Variants in GEMIN5 observed in about 807,000 individuals in gnomAD.
The protein encoded by GEMIN5 is gem-associated protein 5.
In GEMIN5, 124 loss-of-function variants were observed where a neutral mutation model predicts 176.9. The observed-to-expected ratio is 0.70, with a 90% CI of 0.61 to 0.81. The LOEUF is 0.81. GEMIN5 is among the 40% of genes least tolerant of loss of function. GEMIN5 has a pLI of 0.00. For synonymous variants in GEMIN5, 673 were observed against 665.2 expected, an observed-to-expected ratio of 1.01 and a Z score of -0.18; for missense variants, 1,843 against 1,814.6, an observed-to-expected ratio of 1.02 and a Z score of -0.28.
At chr5:154,891,200 G>C (rs577277517) in intron 26 of GEMIN5, 41 bp downstream of exon 26, 1 of 1,564,414 alleles carries the variant, frequency 6.4e-7, no homozygotes, top group East Asian at 2.3e-5. Flanking sequence ...TAGCCAGCAG[G>C]GTCATTTTTC....
intron 11 of GEMIN5, 124 bp downstream of exon 11, chr5:154,919,843 A>G (rs1168221773): frequency 1.3e-6 from 1 of 794,796 alleles, no homozygotes; most frequent in Non-Finnish European, 2.0e-6. Flanking sequence ...TTATAAGAAC[A>G]TTTAAGAAAT....
intron 20 of GEMIN5, among the ~76,000 whole-genome samples, chr5:154,902,104 C>A (rs2113468078): frequency 6.6e-6 from 1 of 152,100 alleles, no homozygotes; most frequent in African/African-American, 2.4e-5. Flanking sequence ...TCACCACACC[C>A]AGCCTTTTTT....
rs1763848036 is a variant in GEMIN5, at chr5:154,918,022, C to T, written c.1600-18G>A. The T allele has an allele frequency of 1.3e-6, 2 of 1,527,886 alleles. No homozygotes were observed. The highest frequency in any genetic ancestry group is 1.8e-6 in the Non-Finnish European group (2 of 1,102,114). 94.6% of individuals were successfully genotyped at this position (1,527,886 alleles called of 1,614,324 possible). ...AATTTGTACTAGAAAGCAAAACAAA[C>T]CAATCTTGACTATATACATATCTCA... On this transcript the variant is annotated intron_variant, in intron 11 of 27. Coordinates refer to ENST00000285873, the MANE Select transcript of GEMIN5 (RefSeq NM_015465.5).
intron 24 of GEMIN5, among the ~76,000 whole-genome samples, chr5:154,892,857 G>A (rs1763264808): frequency 6.6e-6 from 1 of 152,158 alleles, no homozygotes; most frequent in Non-Finnish European, 1.5e-5. Context: ...CCAGCACTTT[G>A]GGAGGCCAAG....
intron 16 of GEMIN5, among the ~76,000 whole-genome samples, chr5:154,905,897 G>A (rs1256564827): frequency 6.6e-6 from 1 of 152,028 alleles, no homozygotes; most frequent in Non-Finnish European, 1.5e-5. Flanking sequence ...CGCCATGTTG[G>A]CCAGGGTGAT....
intron 4 of GEMIN5, 82 bp downstream of exon 4, chr5:154,932,017 A>G: frequency 9.1e-7 from 1 of 1,100,062 alleles, no homozygotes; most frequent in Non-Finnish European, 1.3e-6. Flanking sequence ...AAAAATAAAT[A>G]ATAAATAAAA....
chr5:154,889,600 A>G (rs1388865108), intron 26 of GEMIN5, among the ~76,000 whole-genome samples, 183 bp from the exon 27 acceptor site: 1 of 152,216 alleles, frequency 6.6e-6, no homozygotes, highest in East Asian at 1.9e-4. Context: ...CCCACCACCC[A>G]TTTCCAAAAA....
intron 20 of GEMIN5, 127 bp downstream of exon 20, chr5:154,902,412 G>T: frequency 1.2e-6 from 1 of 842,450 alleles, no homozygotes; most frequent in Non-Finnish European, 1.9e-6. Context: ...GTCTATTGCT[G>T]TCTATTGCTT....
At chr5:154,889,567 T>A in intron 26 of GEMIN5, 150 bp from the exon 27 acceptor site, 2 of 506,486 alleles carry the variant, frequency 3.9e-6, no homozygotes, top group Non-Finnish European at 7.1e-6. Flanking sequence ...TTTAAATAAA[T>A]TCATAATGTG....
At position 154,891,659 on chromosome 5, in the gene GEMIN5, A is replaced by C. The variant is rs748292248; in HGVS notation, c.3844T>G (p.Tyr1282Asp). ...AFKSLEAFFL[Y>D]GRLYEFWWSL... ...CACCAGAATTCATACAGACGCCCATAAAGAAAAAAGGCCTCCAAACTTTTG... is the reference window on the plus strand; with the variant it reads ...CACCAGAATTCATACAGACGCCCATCAAGAAAAAAGGCCTCCAAACTTTTG... Residue 1282 changes from tyrosine (Y) to aspartate (D), a missense_variant, in exon 26 of 28, where the codon TAT becomes GAT. Physicochemically the swap from Tyr to Asp is radical, Grantham distance 160 (BLOSUM62 -3). Coordinates refer to ENST00000285873, the MANE Select transcript of GEMIN5 (RefSeq NM_015465.5). 1 of 1,613,340 alleles carries C rather than the reference A, an allele frequency of 6.2e-7. No homozygotes were observed.
rs980259453 is a variant in GEMIN5, at chr5:154,932,248, T to C, written c.512A>G (p.Tyr171Cys). 2 of 1,600,420 alleles carry C rather than the reference T, an allele frequency of 1.2e-6. No individual in the cohort carries two copies. Among genetic ancestry groups the C allele is most frequent in the Admixed American group, 1.7e-5 (1 of 58,250 alleles). Residue 171 changes from tyrosine (Y) to cysteine (C), a missense_variant and splice_region_variant, in exon 4 of 28, where the codon TAC becomes TGC. Physicochemically the swap from Tyr to Cys is radical, Grantham distance 194 (BLOSUM62 -2). Transcript: ENST00000285873. ...PHHEDLVAIG[Y>C]KDGIVVIIDI... ...AATTATCACCACTATGCCATCCTTG[T>C]AGCTAAAAAACAAGAGTTAGAAATA...
intron 5 of GEMIN5, among the ~76,000 whole-genome samples, chr5:154,930,909 G>C (rs990263252): frequency 6.6e-6 from 1 of 152,154 alleles, no homozygotes; most frequent in African/African-American, 2.4e-5. Flanking sequence ...TTACTATAAA[G>C]GTTATATTCT....
intron 25 of GEMIN5, 141 bp downstream of exon 25, chr5:154,892,246 G>A: frequency 2.9e-6 from 2 of 696,540 alleles, no homozygotes; most frequent in Admixed American, 2.9e-5. Context: ...GCTTCGGTAA[G>A]AGAATCCAAA....
At chr5:154,914,142 T>A (rs980783183) in intron 13 of GEMIN5, among the ~76,000 whole-genome samples, 2 of 151,962 alleles carry the variant, frequency 1.3e-5, no homozygotes, top group South Asian at 4.2e-4. Flanking sequence ...TGCCTCAGCC[T>A]CCTGAGTAGC....
intron 5 of GEMIN5, among the ~76,000 whole-genome samples, chr5:154,929,504 T>A (rs1282286768): frequency 2.0e-5 from 3 of 152,168 alleles, no homozygotes; most frequent in African/African-American, 7.2e-5. Context: ...GGTGGAACTT[T>A]AAAAAATACA....
rs1167139937 is a variant in GEMIN5, at chr5:154,887,882, TTGGG to T, written c.*324_*327del. The T allele has an allele frequency of 3.5e-6, 1 of 282,484 alleles. No homozygotes were observed. The highest frequency in any genetic ancestry group is 2.3e-5 in the African/African-American group (1 of 44,100). 17.5% of individuals were successfully genotyped at this position (282,484 alleles called of 1,614,324 possible). Reference sequence around the variant, plus strand: ...GCTTGTGTTTTAAGCATGTAACACTTTGGGTGACGACAGAAGTTTCTCCTCTTTG... The same window carrying T: ...GCTTGTGTTTTAAGCATGTAACACTTTGACGACAGAAGTTTCTCCTCTTTG... On this transcript the variant is annotated 3_prime_UTR_variant, in exon 28 of 28. Transcript: ENST00000285873.
rs138908258 is a variant in GEMIN5, at chr5:154,904,599, G to A, written c.2540C>T (p.Ser847Phe). 6.2e-7 allele frequency: 1 copy of A among 1,611,604 alleles called. No homozygotes were observed. The highest frequency in any genetic ancestry group is 1.3e-5 in the African/African-American group (1 of 74,856). ...CAGGCTTGTACTCAGGGGAAGCAAG[G>A]AACGAGCTTTTCTCTTCTTGATTAA... ...ETLIKKRKARSLLPLSTSLDH... is the reference protein window; with the variant it reads ...ETLIKKRKARFLLPLSTSLDH... The change falls in exon 18 of 28, where the codon TCC (serine) becomes TTC (phenylalanine). Residue 847 changes from serine to phenylalanine, a missense_variant. By Grantham distance (155) the Ser-to-Phe change is radical (BLOSUM62 -2). Transcript: ENST00000285873.
chr5:154,888,091 C>T lies in GEMIN5; in HGVS notation c.*119G>A. The T allele has an allele frequency of 1.1e-6, 1 of 932,158 alleles. No homozygotes were observed. Among genetic ancestry groups the T allele is most frequent in the East Asian group, 2.4e-5 (1 of 40,952 alleles). 57.7% of individuals were successfully genotyped at this position (932,158 alleles called of 1,614,324 possible). ...TTCAAACTTAATCCTTGTTTGTATT[C>T]TTTTGGATTACTGCAAAAACATCTA... On this transcript the variant is annotated 3_prime_UTR_variant, in exon 28 of 28. Coordinates refer to ENST00000285873, the MANE Select transcript of GEMIN5 (RefSeq NM_015465.5).
In GEMIN5 at chr5:154,896,246, C is replaced by G; in HGVS notation, c.3443G>C (p.Trp1148Ser). ...GAAAGGCCCTTCGGTGCCCGTGTTC[C>G]AAGTGTGGTAAGAGGAGGAGCTTTT... ...EGKSSSSYHT[W>S]NTGTEGPFVE... Residue 1148 changes from tryptophan to serine, a missense_variant, in exon 24 of 28, where the codon TGG becomes TCG. Trp to Ser is a radical substitution (Grantham distance 177, BLOSUM62 -3). Transcript: ENST00000285873. 4 of 1,613,824 alleles carry G rather than the reference C, an allele frequency of 2.5e-6. No homozygotes were observed. The highest frequency in any genetic ancestry group is 3.4e-6 in the Non-Finnish European group (4 of 1,179,906).
Sources: gnomAD v4.1 joint callset for allele counts (sites outside exome capture counted in the v4.1 genomes callset) on GRCh38, gnomAD v4.1.1 for gene constraint, MANE v1.5 for transcripts, NCBI Gene and HGNC (gene_info 2026-07-23, HGNC 2026-07-21) for gene names.